The following AFF4 variants were observed in gnomAD, a reference collection of about 807,000 sequenced individuals.
AFF4 encodes the protein AF4/FMR2 family member 4.
Under a neutral mutation model 124.8 loss-of-function variants are expected in AFF4, and 13 were observed. That is an observed-to-expected ratio of 0.10 (90% confidence interval 0.07 to 0.17). The LOEUF is 0.17. AFF4 is among the 10% of genes least tolerant of loss of function. The probability of loss-of-function intolerance (pLI) is 1.00; values close to 1 mark genes in which losing one functional copy is unlikely to be tolerated. For missense variants in AFF4, 1,092 were observed against 1,403.8 expected, an observed-to-expected ratio of 0.78 and a Z score of 3.55; for synonymous variants, 477 against 496.1, an observed-to-expected ratio of 0.96 and a Z score of 0.51.
intron 5 of AFF4, among the ~76,000 whole-genome samples, chr5:132,912,417 G>A (rs1248443577): frequency 6.6e-6 from 1 of 152,106 alleles, no homozygotes; most frequent in African/African-American, 2.4e-5. Flanking sequence ...CTGGAGTGCA[G>A]TGGAGTGATG....
At chr5:132,904,767 T>C (rs900675237) in intron 5 of AFF4, among the ~76,000 whole-genome samples, 5 of 152,180 alleles carry the variant, frequency 3.3e-5, no homozygotes, top group South Asian at 2.1e-4. Context: ...CAGGTGAAGA[T>C]AGCTGTATAA....
Position 132,888,179 on chromosome 5 carries a change from T to C in AFF4, c.2733-19A>G, listed in dbSNP as rs757721936. ...ATAATTTCTGCAAGACAAATTTTCA[T>C]TATAAATAGAATAGTAAATATTTTC... On this transcript the variant is annotated intron_variant, in intron 14 of 20. Transcript: ENST00000265343. The C allele has an allele frequency of 6.3e-7, 1 of 1,575,836 alleles. No homozygotes were observed. Among genetic ancestry groups the C allele is most frequent in the Non-Finnish European group, 8.7e-7 (1 of 1,152,428 alleles).
chr5:132,950,351 T>C (rs967564727), intron 1 of AFF4, among the ~76,000 whole-genome samples: 2 of 152,218 alleles, frequency 1.3e-5, no homozygotes, highest in Non-Finnish European at 2.9e-5. Context: ...GGCACATGCC[T>C]GTAATCCCAG....
At chr5:132,912,586 C>G (rs1581296220) in intron 5 of AFF4, among the ~76,000 whole-genome samples, 1 of 152,150 alleles carries the variant, frequency 6.6e-6, no homozygotes, top group East Asian at 1.9e-4. Flanking sequence ...GTCTCAAACT[C>G]CTGGACTCAA....
chr5:132,901,782 T>A (rs1422466051), intron 7 of AFF4, among the ~76,000 whole-genome samples: 3 of 152,144 alleles, frequency 2.0e-5, no homozygotes, highest in East Asian at 3.9e-4. Context: ...CACAAAAACA[T>A]ACACATACAA....
intron 11 of AFF4, among the ~76,000 whole-genome samples, chr5:132,894,218 A>T (rs1760332126): frequency 6.6e-6 from 1 of 152,250 alleles, no homozygotes. Flanking sequence ...ATCAAAAGGT[A>T]ACTCTATGTT....
intron 5 of AFF4, among the ~76,000 whole-genome samples, chr5:132,908,024 A>G (rs1429668398): frequency 6.6e-6 from 1 of 152,168 alleles, no homozygotes; most frequent in East Asian, 1.9e-4. Flanking sequence ...GAACAGTTTT[A>G]AGAAAGCTAG....
At chr5:132,885,043 CAAT>C (rs1760078625) in intron 19 of AFF4, 30 bp downstream of exon 19, 1 of 1,540,654 alleles carries the variant, frequency 6.5e-7, no homozygotes, top group Non-Finnish European at 8.8e-7. Flanking sequence ...TTTATTGCCA[CAAT>C]AATATTTTAC....
chr5:132,931,519 A>G (rs758237177), intron 4 of AFF4, among the ~76,000 whole-genome samples: 3 of 152,250 alleles, frequency 2.0e-5, no homozygotes, highest in Non-Finnish European at 4.4e-5. Flanking sequence ...AGGTATTTTG[A>G]TCATAATGGT....
chr5:132,937,163 C>T lies in AFF4; in HGVS notation c.27G>A (p.Leu9=). The change falls in exon 2 of 21, where the codon CTG becomes CTA. Residue 9 remains leucine (L), a synonymous_variant. Transcript: ENST00000265343. ...TCCGCCTTTCCCGTTCTTTCATACG[C>T]AGCACATTCCGGTCTTCACGGTTCA... The part of the protein sequence containing the change: MNREDRNV[L]RMKERERRNQ... 1 of 1,613,752 alleles carries T rather than the reference C, an allele frequency of 6.2e-7. No individual in the cohort carries two copies. Among genetic ancestry groups the T allele is most frequent in the Non-Finnish European group, 8.5e-7 (1 of 1,179,772 alleles).
At chr5:132,944,823 G>A (rs780643695) in intron 1 of AFF4, among the ~76,000 whole-genome samples, 2 of 151,266 alleles carry the variant, frequency 1.3e-5, no homozygotes, top group Non-Finnish European at 2.9e-5. Flanking sequence ...CCAGCTACTT[G>A]AGAGGCTGAG....
intron 9 of AFF4, among the ~76,000 whole-genome samples, chr5:132,898,756 T>C (rs1256995226): frequency 2.0e-5 from 3 of 152,086 alleles, no homozygotes; most frequent in Non-Finnish European, 4.4e-5. Context: ...AGTGCTGGGA[T>C]TACAGGCGTG....
rs1429495595 is a variant in AFF4, at chr5:132,879,935, A to ATCATC, written c.*1119_*1123dup. ...AGATAGGTTTAAAAAGGAGAAATTC[A>ATCATC]TCATCTCTACATCAGGCATTAGAAC... is the stretch of plus-strand genomic sequence containing the variant. On this transcript the variant is annotated 3_prime_UTR_variant, in exon 21 of 21. Transcript: ENST00000265343. 3 of 323,266 alleles carry ATCATC rather than the reference A, an allele frequency of 9.3e-6. No homozygotes were observed. Among genetic ancestry groups the ATCATC allele is most frequent in the Non-Finnish European group, 1.7e-5 (3 of 178,144 alleles). 20.0% of individuals were successfully genotyped at this position (323,266 alleles called of 1,614,324 possible).
In AFF4 at chr5:132,893,102, C is replaced by G. The variant is rs201192755; in HGVS notation, c.2324G>C (p.Arg775Pro). 3.0e-5 allele frequency: 49 copies of G among 1,613,958 alleles called. No homozygotes were observed. The South Asian group carries it at 4.6e-4, about 15-fold the overall frequency. ...TTTGGGTTTCTTGCTCTCACTGGCT[C>G]GGTTATCATCTTCATTCTAGATGAA... ...KRKHKNEDDN[R>P]ASESKKPKTE... The change falls in exon 12 of 21, where the codon CGA becomes CCA. Residue 775 changes from arginine (R) to proline (P), a missense_variant. By Grantham distance (103) the Arg-to-Pro change is moderately radical (BLOSUM62 -2). This residue lies in a region of AFF4 where 293 missense variants were observed against 280.2 expected (regional missense o/e 1.05). Transcript: ENST00000265343.
intron 1 of AFF4, among the ~76,000 whole-genome samples, chr5:132,958,822 GC>G (rs1762016920): frequency 2.6e-5 from 4 of 152,014 alleles, no homozygotes; most frequent in Admixed American, 2.6e-4. Flanking sequence ...GAGCTATTAG[GC>G]CCAAAGCAAC....
At chr5:132,912,918 G>T (rs1427584362) in intron 5 of AFF4, among the ~76,000 whole-genome samples, 1 of 151,732 alleles carries the variant, frequency 6.6e-6, no homozygotes, top group East Asian at 1.9e-4. Flanking sequence ...CAAAAAGCAA[G>T]ATAGTAGATT....
chr5:132,938,096 C>T (rs1393236127), intron 1 of AFF4, among the ~76,000 whole-genome samples: 2 of 151,010 alleles, frequency 1.3e-5, no homozygotes, highest in Admixed American at 1.3e-4. Flanking sequence ...ATAATCAGAC[C>T]TGGTTTTGTT....
chr5:132,936,963 A>G, intron 2 of AFF4, 104 bp downstream of exon 2: 1 of 1,408,280 alleles, frequency 7.1e-7, no homozygotes, highest in Non-Finnish European at 9.6e-7. Flanking sequence ...GTTAAGTGGT[A>G]TTCATAGTAA....
chr5:132,881,639 C>T (rs995239298), intron 20 of AFF4, among the ~76,000 whole-genome samples: 66 of 152,124 alleles, frequency 4.3e-4, no homozygotes, highest in African/African-American at 1.4e-3. Context: ...ATCAAACTTT[C>T]GGCTACCATC....
Sources: allele counts gnomAD v4.1 joint callset (sites outside exome capture counted in the v4.1 genomes callset), GRCh38; gene constraint gnomAD v4.1.1; regional missense constraint gnomAD v4.1.1; transcripts MANE v1.5; gene names NCBI Gene and HGNC (gene_info 2026-07-23, HGNC 2026-07-21).